The following COBLL1 variants were observed in gnomAD, a reference collection of about 807,000 sequenced individuals.
COBLL1 encodes the protein cordon-bleu protein-like 1.
A neutral mutation model predicts 94.8 loss-of-function variants in COBLL1; 50 were observed. That is an observed-to-expected ratio of 0.53 (90% CI 0.42 to 0.67). COBLL1 has a LOEUF of 0.67. Ranked by LOEUF, COBLL1 falls within the 30% of genes least tolerant of loss-of-function variation. The pLI, the probability that COBLL1 is intolerant of heterozygous loss-of-function variation, is 0.00. For synonymous variants in COBLL1, 448 were observed against 473.8 expected, an observed-to-expected ratio of 0.95 and a Z score of 0.71; for missense variants, 1,362 against 1,348.7, an observed-to-expected ratio of 1.01 and a Z score of -0.15.
At position 164,694,817 on chromosome 2, in the gene COBLL1, T is replaced by C. The variant is rs141706142; in HGVS notation, c.2575A>G (p.Asn859Asp). ...AAAGAGCTGGGTTTGGCCTGGGCAT[T>C]TGAAGCCCGAGATTTAAATTTTGAT... Reference protein sequence around the residue: ...LESKFKSRASNAQAKPSSFFL... With the variant: ...LESKFKSRASDAQAKPSSFFL... The change falls in exon 12 of 14, where the codon AAT becomes GAT. Residue 859 changes from asparagine to aspartate, a missense_variant. Coordinates refer to ENST00000652658, the MANE Select transcript of COBLL1 (RefSeq NM_001365672.2). 4 of 1,613,914 alleles carry C rather than the reference T, an allele frequency of 2.5e-6. No homozygotes were observed. In the East Asian group the frequency reaches 6.7e-5, roughly 27 times the overall value.
At position 164,728,080 on chromosome 2, in the gene COBLL1, G is replaced by A; in HGVS notation, c.550C>T (p.Pro184Ser). 6.2e-7 allele frequency: 1 copy of A among 1,613,672 alleles called. No homozygotes were observed. The highest frequency in any genetic ancestry group is 8.5e-7 in the Non-Finnish European group (1 of 1,179,626). The change falls in exon 5 of 14, where the codon CCG becomes TCG. Residue 184 changes from proline to serine, a missense_variant. Coordinates refer to ENST00000652658, the MANE Select transcript of COBLL1 (RefSeq NM_001365672.2). ...TCTTTCAACAATAGTGTATGCAACG[G>A]ATCAAACTCACATTTGCTACATATA... ...PIICSKCEFD[P>S]LHTLLLKDYQ...
chr2:164,749,839 A>C (rs1378980406), intron 2 of COBLL1, among the ~76,000 whole-genome samples: 2 of 152,104 alleles, frequency 1.3e-5, no homozygotes, highest in Non-Finnish European at 2.9e-5. Flanking sequence ...ATGAGGGTCC[A>C]AATCATAGAC....
At chr2:164,805,327 C>CA (rs1684054503) in intron 2 of COBLL1, among the ~76,000 whole-genome samples, 1 of 26,480 alleles carries the variant, frequency 3.8e-5, no homozygotes, top group Non-Finnish European at 7.1e-5. Flanking sequence ...CTCTCTCTCT[C>CA]TCTCTCTCTC....
chr2:164,833,115 T>G (rs1477227456), intron 2 of COBLL1, among the ~76,000 whole-genome samples: 2 of 151,924 alleles, frequency 1.3e-5, no homozygotes, highest in African/African-American at 2.4e-5. Flanking sequence ...TCCCAGCACT[T>G]TAGGAGGCTG....
At chr2:164,737,600 A>C (rs983825167) in intron 3 of COBLL1, among the ~76,000 whole-genome samples, 1 of 149,946 alleles carries the variant, frequency 6.7e-6, no homozygotes, top group Non-Finnish European at 1.5e-5. Context: ...CAGTTAAAAA[A>C]AAATTACCCT....
Position 164,722,065 on chromosome 2 carries a change from A to T in COBLL1, c.996+10T>A. 6.4e-7 allele frequency: 1 copy of T among 1,552,454 alleles called. No homozygotes were observed. Among genetic ancestry groups the T allele is most frequent in the Non-Finnish European group, 8.7e-7 (1 of 1,150,378 alleles). ...TCCAAAAAAACAAAATAGAAAACAA[A>T]ACTACACACCTTATCTGTCTCATCC... On this transcript the variant is annotated intron_variant, in intron 7 of 13. Coordinates refer to ENST00000652658, the MANE Select transcript of COBLL1 (RefSeq NM_001365672.2).
At chr2:164,778,466 T>G (rs355890) in intron 2 of COBLL1, among the ~76,000 whole-genome samples, 37,171 of 151,774 alleles carry the variant, frequency 0.24, 5,496 homozygotes, top group African/African-American at 0.41. Context: ...TAGCCAGGGT[T>G]GTGGCATGTG....
chr2:164,820,677 A>G (rs1685121349), intron 2 of COBLL1, among the ~76,000 whole-genome samples: 1 of 152,170 alleles, frequency 6.6e-6, no homozygotes, highest in African/African-American at 2.4e-5. Context: ...AAAACACACA[A>G]GTTCAAAATG....
chr2:164,705,760 C>T (rs1182337855), intron 7 of COBLL1, among the ~76,000 whole-genome samples: 1 of 152,146 alleles, frequency 6.6e-6, no homozygotes, highest in African/African-American at 2.4e-5. Context: ...GTGGCTCACA[C>T]CTGTAATTCC....
intron 3 of COBLL1, among the ~76,000 whole-genome samples, chr2:164,741,184 G>A (rs1216386609): frequency 6.6e-6 from 1 of 152,052 alleles, no homozygotes; most frequent in African/African-American, 2.4e-5. Flanking sequence ...ACTGGGGCAG[G>A]AGAATTGCTT....
intron 7 of COBLL1, among the ~76,000 whole-genome samples, chr2:164,713,034 A>C (rs1684984360): frequency 6.6e-6 from 1 of 152,168 alleles, no homozygotes; most frequent in Non-Finnish European, 1.5e-5. Flanking sequence ...ATTTGTAAAA[A>C]TAAAATGTTA....
At chr2:164,673,526 T>G (rs1330314268) in intron 1 of COBLL1, among the ~76,000 whole-genome samples, 1 of 152,002 alleles carries the variant, frequency 6.6e-6, no homozygotes, top group Non-Finnish European at 1.5e-5. Context: ...AATACAAAAA[T>G]TAGCCGGGTG....
chr2:164,835,527 G>C (rs1050914469), intron 2 of COBLL1, among the ~76,000 whole-genome samples: 1 of 152,124 alleles, frequency 6.6e-6, no homozygotes, highest in African/African-American at 2.4e-5. Flanking sequence ...AATGGGTATA[G>C]GGTTTCAGTT....
At chr2:164,787,264 T>G (rs1219110757) in intron 2 of COBLL1, among the ~76,000 whole-genome samples, 5 of 152,152 alleles carry the variant, frequency 3.3e-5, no homozygotes, top group Non-Finnish European at 7.4e-5. Context: ...ACTAGGAACT[T>G]GTCATTACCT....
In COBLL1 at chr2:164,680,416, A is replaced by G. The variant is rs914491306; in HGVS notation, c.*5530T>C. 2.6e-5 allele frequency: 4 copies of G among 152,110 alleles called. No homozygotes were observed. The highest frequency in any genetic ancestry group is 4.4e-5 in the Non-Finnish European group (3 of 67,998). 9.4% of individuals were successfully genotyped at this position (152,110 alleles called of 1,614,324 possible). On this transcript the variant is annotated 3_prime_UTR_variant, in exon 14 of 14. Coordinates refer to ENST00000652658, the MANE Select transcript of COBLL1 (RefSeq NM_001365672.2). ...ACCCACCAACAGAAATCATCCAAAAAGTTTCTTCACTATGAACCCTTCAGT... is the reference window on the plus strand; with the variant it reads ...ACCCACCAACAGAAATCATCCAAAAGGTTTCTTCACTATGAACCCTTCAGT...
intron 7 of COBLL1, 41 bp downstream of exon 7, chr2:164,722,034 G>A (rs1215559431): frequency 7.0e-7 from 1 of 1,432,188 alleles, no homozygotes; most frequent in East Asian, 2.3e-5. Context: ...ATGGTACACT[G>A]CCTCATCCAA....
rs561466298 is a variant in COBLL1 at position 164,775,922 on chromosome 2, T to C, written c.42-32047A>G. Among the ~76,000 whole-genome samples, 169 of 152,266 alleles carry C rather than the reference T, an allele frequency of 1.1e-3. 1 individual carries two copies. Among genetic ancestry groups the C allele is most frequent in the African/African-American group, 4.0e-3 (166 of 41,568 alleles). ...ATCTCAAACTTGATAATGCCAAAAG[T>C]GAACTTTTCACCCCTCCTCCCTTAG... On this transcript the variant is annotated intron_variant, in intron 2 of 13. Coordinates refer to ENST00000652658, the MANE Select transcript of COBLL1 (RefSeq NM_001365672.2).
chr2:164,726,732 A>G (rs1685738715), intron 5 of COBLL1, among the ~76,000 whole-genome samples: 1 of 152,104 alleles, frequency 6.6e-6, no homozygotes, highest in Non-Finnish European at 1.5e-5. Flanking sequence ...TTAATATAAC[A>G]CCATTATTCT....
chr2:164,739,497 A>G (rs1391917465), intron 3 of COBLL1, among the ~76,000 whole-genome samples: 1 of 152,230 alleles, frequency 6.6e-6, no homozygotes, highest in Non-Finnish European at 1.5e-5. Flanking sequence ...AGTTTCTGAA[A>G]TCTGTACTTC....
Sources: allele counts gnomAD v4.1 joint callset (sites outside exome capture counted in the v4.1 genomes callset), GRCh38; gene constraint gnomAD v4.1.1; transcripts MANE v1.5; gene names NCBI Gene and HGNC (gene_info 2026-07-23, HGNC 2026-07-21).